Variants in PEAK1 observed in about 807,000 individuals in gnomAD.
PEAK1 encodes the protein pseudopodium enriched atypical kinase 1, also known as inactive tyrosine-protein kinase PEAK1.
PEAK1 carries 54 observed loss-of-function variants against 124.7 expected under a neutral mutation model. The ratio of observed to expected loss-of-function variants is 0.43; its 90% confidence interval spans 0.35 to 0.54. The LOEUF is 0.54. PEAK1 is among the 20% of genes least tolerant of loss of function. The pLI, the probability that PEAK1 is intolerant of heterozygous loss-of-function variation, is 0.01. For synonymous variants in PEAK1, 719 were observed against 760.0 expected (o/e 0.95, Z 0.89); for missense variants, 2,046 against 2,134.5 (o/e 0.96, Z 0.82).
At chr15:77,296,504 C>A (rs753778569) in intron 2 of PEAK1, among the ~76,000 whole-genome samples, 3 of 151,498 alleles carry the variant, frequency 2.0e-5, no homozygotes, top group Non-Finnish European at 4.4e-5. Context: ...ATCCCAGCTA[C>A]TTGGGAGGCT....
rs138352589 is a variant in PEAK1 at position 77,253,065 on chromosome 15, G to T, written c.-274-539C>A. On this transcript the variant is annotated intron_variant, in intron 5 of 9. Transcript: ENST00000682557. ...ACATGTCTACCTATTTCTGATTCTT[G>T]AGCATCTATCTTATACATGTTCAAA... Among the ~76,000 whole-genome samples the T allele has an allele frequency of 2.0e-5, 3 of 151,870 alleles. No homozygotes were observed. In the East Asian group the frequency reaches 5.8e-4, roughly 29 times the overall value.
chr15:77,310,431 A>G (rs572471235), intron 2 of PEAK1, among the ~76,000 whole-genome samples: 79 of 152,314 alleles, frequency 5.2e-4, no homozygotes, highest in African/African-American at 1.8e-3. Context: ...CAAAAAATAA[A>G]CCACAACTAA....
At chr15:77,122,346 C>A (rs1230527428) in intron 9 of PEAK1, among the ~76,000 whole-genome samples, 1 of 152,154 alleles carries the variant, frequency 6.6e-6, no homozygotes, top group Non-Finnish European at 1.5e-5. Flanking sequence ...CTTGTACTCA[C>A]CAAAGCTTTT....
rs764068217 is a variant in PEAK1 at position 77,179,473 on chromosome 15, T to A, written c.2454A>T (p.Lys818Asn). 3.1e-6 allele frequency: 5 copies of A among 1,613,944 alleles called. No homozygotes were observed. In the Admixed American group the frequency reaches 8.3e-5, roughly 27 times the overall value. Residue 818 changes from lysine (K) to asparagine (N), a missense_variant, in exon 7 of 10, where the codon AAA (lysine) becomes AAT (asparagine). By Grantham distance (94) the Lys-to-Asn change is moderately conservative. Transcript: ENST00000682557. ...CACTAGGCTGAGATGTAAAGAGAGA[T>A]TTGGGCCGGACTGGCGTACTCTTAG... ...STPKSTPVRP[K>N]SLFTSQPSGE...
rs113373923 is a variant in PEAK1 at position 77,234,821 on chromosome 15, A to G, written c.-115+17546T>C. Among the ~76,000 whole-genome samples the G allele has an allele frequency of 5.3e-3, 803 of 151,832 alleles. 9 individuals are homozygous for G. The highest frequency in any genetic ancestry group is 0.018 in the African/African-American group (750 of 41,452). On this transcript the variant is annotated intron_variant, in intron 6 of 9. Coordinates refer to ENST00000682557, the MANE Select transcript of PEAK1 (RefSeq NM_001385026.1). ...CAGCTAATTAAAAAAAAATATATAT[A>G]TTTTTTTGAGACAGGGTCTTGCTCT...
intron 6 of PEAK1, among the ~76,000 whole-genome samples, chr15:77,188,967 A>C (rs1211615694): frequency 6.6e-6 from 1 of 152,122 alleles, no homozygotes; most frequent in African/African-American, 2.4e-5. Flanking sequence ...TTGGGAGGCC[A>C]AGGCGGGCAG....
chr15:77,162,091 A>C (rs2055700116), intron 7 of PEAK1, among the ~76,000 whole-genome samples: 1 of 152,098 alleles, frequency 6.6e-6, no homozygotes, highest in Non-Finnish European at 1.5e-5. Context: ...GTAGCAGAGA[A>C]GGTTGATTCA....
Position 77,130,705 on chromosome 15 carries a change from A to C in PEAK1, c.4077+2300T>G, listed in dbSNP as rs75417312. Among the ~76,000 whole-genome samples, 600 of 152,356 alleles carry C rather than the reference A, an allele frequency of 3.9e-3. 6 individuals carry two copies. Among genetic ancestry groups the C allele is most frequent in the African/African-American group, 0.014 (573 of 41,576 alleles). On this transcript the variant is annotated intron_variant, in intron 9 of 9. Transcript: ENST00000682557. ...AAAAGGGACTATGGGAATGGAGGAC[A>C]CTACCTTAAGTTTACATATAGGGCT...
chr15:77,241,179 T>C (rs995087542), intron 6 of PEAK1, among the ~76,000 whole-genome samples: 1 of 151,650 alleles, frequency 6.6e-6, no homozygotes, highest in Non-Finnish European at 1.5e-5. Flanking sequence ...AAGTCCAAAA[T>C]TTTTTTTAAA....
chr15:77,233,107 T>C (rs2059977282), intron 6 of PEAK1, among the ~76,000 whole-genome samples: 1 of 152,212 alleles, frequency 6.6e-6, no homozygotes, highest in Non-Finnish European at 1.5e-5. Flanking sequence ...AGTGTATGAA[T>C]GTGCCATAAT....
rs1055287024 is a variant in PEAK1, at chr15:77,160,587, A to C, written c.3138-1891T>G. 4.6e-5 allele frequency among the ~76,000 whole-genome samples: 7 copies of C among 152,140 alleles called. No homozygotes were observed. In the East Asian group the frequency reaches 1.4e-3, roughly 30 times the overall value. On this transcript the variant is annotated intron_variant, in intron 7 of 9. Coordinates refer to ENST00000682557, the MANE Select transcript of PEAK1 (RefSeq NM_001385026.1). Reference sequence around the variant, plus strand: ...GCTACTGGGGAGGCTGAGGCAGGAGAATCTCTTGAACCTGGGAGGTAGAGG... The same window carrying C: ...GCTACTGGGGAGGCTGAGGCAGGAGCATCTCTTGAACCTGGGAGGTAGAGG...
In PEAK1 at chr15:77,305,048, G is replaced by A. The variant is rs1329019686; in HGVS notation, c.-602-18544C>T. Among the ~76,000 whole-genome samples the A allele has an allele frequency of 2.0e-5, 3 of 151,664 alleles. No individual in the cohort carries two copies. The East Asian group carries it at 5.8e-4, about 29-fold the overall frequency. Reference sequence around the variant, plus strand: ...TGTAGTCCCAGCTCCTTGGGAAGCTGAGGTGGATCTCTTGAGCCCAGGAGG... The same window carrying A: ...TGTAGTCCCAGCTCCTTGGGAAGCTAAGGTGGATCTCTTGAGCCCAGGAGG... On this transcript the variant is annotated intron_variant, in intron 2 of 9. Transcript: ENST00000682557.
chr15:77,329,878 T>C (rs923203996), intron 2 of PEAK1, among the ~76,000 whole-genome samples: 1 of 152,140 alleles, frequency 6.6e-6, no homozygotes, highest in Admixed American at 6.5e-5. Context: ...CAGTCCTCTG[T>C]AGTGGGGGAA....
At chr15:77,229,340 TG>T (rs1359593299) in intron 6 of PEAK1, among the ~76,000 whole-genome samples, 4 of 152,242 alleles carry the variant, frequency 2.6e-5, no homozygotes, top group African/African-American at 9.6e-5. Context: ...GGTATGATTT[TG>T]TTTCCAATAC....
At chr15:77,317,059 T>C (rs552379490) in intron 2 of PEAK1, among the ~76,000 whole-genome samples, 36 of 152,094 alleles carry the variant, frequency 2.4e-4, no homozygotes, top group Non-Finnish European at 4.6e-4. Flanking sequence ...CCAGCCTGGG[T>C]GACAGAGCAA....
At position 77,110,502 on chromosome 15, in the gene PEAK1, C is replaced by T. The variant is rs1322512794; in HGVS notation, c.*3654G>A. 6.6e-6 allele frequency: 1 copy of T among 152,184 alleles called. No homozygotes were observed. The highest frequency in any genetic ancestry group is 1.5e-5 in the Non-Finnish European group (1 of 68,032). The allele number at this position is 152,184 out of a possible 1,614,324, so 9.4% of individuals were successfully genotyped here. On this transcript the variant is annotated 3_prime_UTR_variant, in exon 10 of 10. Transcript: ENST00000682557. ...TTAGATCTCTTGGCTTAGACTTTCCCATGTTTACAAACTTATTCTGAGTTT... is the reference window on the plus strand; with the variant it reads ...TTAGATCTCTTGGCTTAGACTTTCCTATGTTTACAAACTTATTCTGAGTTT...
At position 77,406,038 on chromosome 15, in the gene PEAK1, A is replaced by G. The variant is rs190240019; in HGVS notation, c.-666+13968T>C. On this transcript the variant is annotated intron_variant, in intron 1 of 9. Transcript: ENST00000682557. The stretch of plus-strand genomic sequence containing the variant: ...AAGAGATATATAAGACACCATTTAA[A>G]TTTGCTGTTATGCTGCATAGAAGAA... Among the ~76,000 whole-genome samples, 8 of 152,320 alleles carry G rather than the reference A, an allele frequency of 5.3e-5. No homozygotes were observed. In the East Asian group the frequency reaches 1.5e-3, roughly 29 times the overall value.
intron 7 of PEAK1, among the ~76,000 whole-genome samples, chr15:77,162,691 G>A (rs934475096): frequency 6.6e-6 from 1 of 151,970 alleles, no homozygotes; most frequent in Non-Finnish European, 1.5e-5. Flanking sequence ...TCGAACCTGG[G>A]TACTGTTTCT....
chr15:77,167,832 C>T (rs1293136583), intron 7 of PEAK1, among the ~76,000 whole-genome samples: 2 of 152,180 alleles, frequency 1.3e-5, no homozygotes, highest in African/African-American at 4.8e-5. Flanking sequence ...CGGTTTGCTG[C>T]ATCAATTAAC....
Sources: allele counts gnomAD v4.1 joint callset (sites outside exome capture counted in the v4.1 genomes callset), GRCh38; gene constraint gnomAD v4.1.1; transcripts MANE v1.5; gene names NCBI Gene and HGNC (gene_info 2026-07-23, HGNC 2026-07-21).